The following SRGAP1 variants were observed in gnomAD, a reference collection of about 807,000 sequenced individuals.
SRGAP1 encodes SLIT-ROBO Rho GTPase-activating protein 1.
Under a neutral mutation model 121.9 loss-of-function variants are expected in SRGAP1, and 43 were observed. The observed-to-expected ratio is 0.35, with a 90% CI of 0.28 to 0.46. The LOEUF (loss-of-function observed/expected upper bound fraction) is 0.46. SRGAP1 is among the 20% of genes least tolerant of loss of function. SRGAP1 has a pLI of 1.00. For missense variants in SRGAP1, 1,102 were observed against 1,350.9 expected, an observed-to-expected ratio of 0.82 and a Z score of 2.89; for synonymous variants, 447 against 485.4, an observed-to-expected ratio of 0.92 and a Z score of 1.04.
chr12:64,043,039 AATAGCTGAT>A, intron 5 of SRGAP1, 67 bp downstream of exon 5: 1 of 1,033,134 alleles, frequency 9.7e-7, no homozygotes, highest in East Asian at 2.4e-5. Context: ...ACACTGATGC[AATAGCTGAT>A]ATCCACACAT....
intron 1 of SRGAP1, among the ~76,000 whole-genome samples, chr12:63,952,364 TA>T (rs2032326708): frequency 6.6e-6 from 1 of 152,076 alleles, no homozygotes; most frequent in South Asian, 2.1e-4. Flanking sequence ...AATTTTTTTT[TA>T]ATTAGCCAGA....
intron 15 of SRGAP1, among the ~76,000 whole-genome samples, chr12:64,100,150 C>A (rs574097165): frequency 6.6e-6 from 1 of 152,218 alleles, no homozygotes; most frequent in Non-Finnish European, 1.5e-5. Flanking sequence ...ATCATTACTA[C>A]TATTACAATT....
intron 1 of SRGAP1, among the ~76,000 whole-genome samples, chr12:63,936,490 T>C (rs1288481493): frequency 6.6e-6 from 1 of 152,102 alleles, no homozygotes; most frequent in African/African-American, 2.4e-5. Context: ...TCTGAGAATT[T>C]TTGTAGACAC....
At position 63,985,107 on chromosome 12, in the gene SRGAP1, G is replaced by A. The variant is rs938405822; in HGVS notation, c.263+965G>A. 3.1e-4 allele frequency among the ~76,000 whole-genome samples: 47 copies of A among 152,108 alleles called. 1 individual carries two copies. Among genetic ancestry groups the A allele is most frequent in the Admixed American group, 2.7e-3 (41 of 15,246 alleles). ...CAAGTGCTCCAACAGGGGAAGGCGG[G>A]GGAGACCCTGGACAGACCCAACTGA... On this transcript the variant is annotated intron_variant, in intron 2 of 21. Transcript: ENST00000355086.
At chr12:64,043,311 T>C (rs2035059993) in intron 5 of SRGAP1, 136 bp from the exon 6 acceptor site, 2 of 860,732 alleles carry the variant, frequency 2.3e-6, no homozygotes, top group Non-Finnish European at 3.4e-6. Context: ...AAATGTACTT[T>C]TGGCAAAGGA....
intron 6 of SRGAP1, among the ~76,000 whole-genome samples, chr12:64,056,666 C>T (rs988030126): frequency 6.6e-6 from 1 of 152,120 alleles, no homozygotes; most frequent in African/African-American, 2.4e-5. Flanking sequence ...AAACTATTCA[C>T]CAAGACCCTG....
chr12:64,077,566 T>G (rs989050769), intron 8 of SRGAP1, among the ~76,000 whole-genome samples: 1 of 151,364 alleles, frequency 6.6e-6, no homozygotes, highest in Non-Finnish European at 1.5e-5. Flanking sequence ...TTACATTGTG[T>G]GACAGAAGGA....
chr12:63,943,222 T>G (rs1197308421), intron 1 of SRGAP1, among the ~76,000 whole-genome samples: 1 of 152,204 alleles, frequency 6.6e-6, no homozygotes, highest in African/African-American at 2.4e-5. Flanking sequence ...CTGCAGACAT[T>G]TTTTCTCAGT....
chr12:64,056,461 G>A (rs754049721), intron 6 of SRGAP1, among the ~76,000 whole-genome samples: 1 of 149,084 alleles, frequency 6.7e-6, no homozygotes, highest in African/African-American at 2.5e-5. Flanking sequence ...GATGAGGCAG[G>A]AGAATCACTT....
chr12:63,991,028 T>G (rs2033544887), intron 3 of SRGAP1, among the ~76,000 whole-genome samples: 1 of 152,224 alleles, frequency 6.6e-6, no homozygotes, highest in Admixed American at 6.5e-5. Flanking sequence ...CAGCCAACTC[T>G]CAGCAATTTT....
At position 64,142,955 on chromosome 12, in the gene SRGAP1, C is replaced by T; in HGVS notation, c.*283C>T. On this transcript the variant is annotated 3_prime_UTR_variant, in exon 22 of 22. Coordinates refer to ENST00000355086, the MANE Select transcript of SRGAP1 (RefSeq NM_020762.4). The stretch of plus-strand genomic sequence containing the variant: ...TGCACCACTTGTAATGAAGGCAACA[C>T]CGCTCTCCACATTGTACAGAGCTTC... 1 of 396,276 alleles carries T rather than the reference C, an allele frequency of 2.5e-6. No individual in the cohort carries two copies. Among genetic ancestry groups the T allele is most frequent in the Non-Finnish European group, 4.7e-6 (1 of 214,508 alleles). 24.5% of individuals were successfully genotyped at this position (396,276 alleles called of 1,614,324 possible).
chr12:63,870,836 A>C (rs531428905), intron 1 of SRGAP1, among the ~76,000 whole-genome samples: 17 of 152,204 alleles, frequency 1.1e-4, no homozygotes, highest in African/African-American at 4.1e-4. Flanking sequence ...ATGTGTCCCA[A>C]AGTGCTGGGA....
intron 1 of SRGAP1, among the ~76,000 whole-genome samples, chr12:63,920,895 GTTTTT>G (rs942788293): frequency 1.3e-5 from 2 of 152,122 alleles, no homozygotes; most frequent in Non-Finnish European, 2.9e-5. Flanking sequence ...AAAATGAAAA[GTTTTT>G]TTAATATGGA....
intron 1 of SRGAP1, among the ~76,000 whole-genome samples, chr12:63,941,486 T>G (rs1031760950): frequency 3.3e-5 from 5 of 152,214 alleles, no homozygotes; most frequent in African/African-American, 1.2e-4. Context: ...TACAATATGC[T>G]GCATACATAA....
intron 3 of SRGAP1, among the ~76,000 whole-genome samples, chr12:63,992,543 G>A (rs2033581966): frequency 6.6e-6 from 1 of 152,080 alleles, no homozygotes; most frequent in Admixed American, 6.6e-5. Context: ...CTTTGGTGGA[G>A]GGTAATTCCC....
chr12:64,017,079 C>A, intron 4 of SRGAP1, 67 bp downstream of exon 4: 1 of 919,386 alleles, frequency 1.1e-6, no homozygotes, highest in Non-Finnish European at 1.7e-6. Flanking sequence ...AAAAACACTG[C>A]TCATTGTAGT....
intron 1 of SRGAP1, among the ~76,000 whole-genome samples, chr12:63,881,808 T>C (rs1163502844): frequency 6.6e-6 from 1 of 152,236 alleles, no homozygotes; most frequent in Admixed American, 6.5e-5. Context: ...TTAACTATTT[T>C]ATATGCATTA....
chr12:64,092,476 AC>A, intron 12 of SRGAP1, among the ~76,000 whole-genome samples: 1 of 148,146 alleles, frequency 6.8e-6, no homozygotes, highest in Non-Finnish European at 1.5e-5. Flanking sequence ...ATATATACAT[AC>A]ATACATACAT....
chr12:63,977,259 A>T (rs1389703903), intron 1 of SRGAP1, among the ~76,000 whole-genome samples: 3 of 152,202 alleles, frequency 2.0e-5, no homozygotes, highest in African/African-American at 7.2e-5. Flanking sequence ...TCATTTAGGA[A>T]AATCCCTTCT....
Sources: gnomAD v4.1 joint callset for allele counts (sites outside exome capture counted in the v4.1 genomes callset) on GRCh38, gnomAD v4.1.1 for gene constraint, MANE v1.5 for transcripts, NCBI Gene and HGNC (gene_info 2026-07-23, HGNC 2026-07-21) for gene names.